SNRPN: variants seen among roughly 807,000 people sequenced by gnomAD.
SNRPN encodes small nuclear ribonucleoprotein-associated protein N.
Under a neutral mutation model 25.2 loss-of-function variants are expected in SNRPN, and 7 were observed. That is an observed-to-expected ratio of 0.28 (90% CI 0.16 to 0.52). The LOEUF is 0.52. Among genes scored for constraint, SNRPN ranks in the 20% least tolerant of loss-of-function variants. The pLI, the probability that SNRPN is intolerant of heterozygous loss-of-function variation, is 0.96. For missense variants in SNRPN, 196 were observed against 322.5 expected, an observed-to-expected ratio of 0.61 and a Z score of 3.00; for synonymous variants, 124 against 110.6, an observed-to-expected ratio of 1.12 and a Z score of -0.76.
At chr15:24,960,615 A>G (rs1373907140) in intron 1 of SNRPN, among the ~76,000 whole-genome samples, 1 of 152,008 alleles carries the variant, frequency 6.6e-6, no homozygotes, top group Non-Finnish European at 1.5e-5. Context: ...TGGGATTTTG[A>G]TTTGCATTTT....
intron 1 of SNRPN, among the ~76,000 whole-genome samples, chr15:24,826,402 T>A (rs35816817): frequency 6.6e-6 from 1 of 152,078 alleles, no homozygotes; most frequent in Non-Finnish European, 1.5e-5. Context: ...CATGGCTGCC[T>A]CACATTCCTC....
In SNRPN at chr15:24,872,206, T is replaced by C. The variant is rs1198230079; in HGVS notation, c.-578-14310T>C. ...TTTGAGACATGAGTATCACTTTTGT[T>C]GCCCAGGTTGGAGTGCAGTGGCACA... On this transcript the variant is annotated intron_variant, in intron 1 of 11. Coordinates refer to the SNRPN transcript ENST00000400097. Among the ~76,000 whole-genome samples, 3 of 118,588 alleles carry C rather than the reference T, an allele frequency of 2.5e-5. 1 individual carries two copies. Among genetic ancestry groups the C allele is most frequent in the Non-Finnish European group, 5.5e-5 (3 of 54,346 alleles). 77.8% of individuals were successfully genotyped at this position (118,588 alleles called of 152,430 possible).
At chr15:24,901,036 C>A (rs2058412834) in intron 2 of SNRPN, among the ~76,000 whole-genome samples, 1 of 152,122 alleles carries the variant, frequency 6.6e-6, no homozygotes, top group Non-Finnish European at 1.5e-5. Context: ...GTTGAGGGTG[C>A]AGTGAGCTGT....
intron 1 of SNRPN, among the ~76,000 whole-genome samples, chr15:24,867,587 GA>G (rs1840221194): frequency 2.0e-5 from 3 of 152,196 alleles, no homozygotes; most frequent in African/African-American, 7.2e-5. Flanking sequence ...TGTTAGCCAG[GA>G]TGGTCCCGAT....
chr15:24,858,283 C>T (rs530127813), intron 1 of SNRPN, among the ~76,000 whole-genome samples: 5 of 152,106 alleles, frequency 3.3e-5, no homozygotes, highest in Non-Finnish European at 7.3e-5. Context: ...AACCGAATTC[C>T]TCCTGAAGTT....
intron 3 of SNRPN, among the ~76,000 whole-genome samples, chr15:24,931,358 AC>A (rs1275249737): frequency 4.6e-5 from 7 of 152,196 alleles, no homozygotes; most frequent in Non-Finnish European, 7.3e-5. Context: ...ATCACTAATA[AC>A]TATTGTAATC....
chr15:24,925,096 T>C (rs2060290972), intron 3 of SNRPN, among the ~76,000 whole-genome samples: 1 of 152,156 alleles, frequency 6.6e-6, no homozygotes, highest in Non-Finnish European at 1.5e-5. Context: ...TCTATTGACT[T>C]AAATAGAATT....
At chr15:24,880,936 C>T (rs974480404) in intron 1 of SNRPN, among the ~76,000 whole-genome samples, 8 of 150,100 alleles carry the variant, frequency 5.3e-5, no homozygotes, top group African/African-American at 1.5e-4. Flanking sequence ...CTTGGCCTCC[C>T]GCAGTGCTGT....
At chr15:24,862,475 G>C (rs1225065607) in intron 1 of SNRPN, among the ~76,000 whole-genome samples, 2 of 150,914 alleles carry the variant, frequency 1.3e-5, no homozygotes, top group African/African-American at 5.0e-5. Context: ...GATTGAAAGA[G>C]AGATGGAGTG....
upstream of SNRPN, among the ~76,000 whole-genome samples, chr15:24,856,033 TG>T (rs2053351207): frequency 6.6e-6 from 1 of 152,192 alleles, no homozygotes; most frequent in Non-Finnish European, 1.5e-5. Flanking sequence ...TATATATGCT[TG>T]TGTCTGATTT....
At chr15:24,960,368 C>G (rs2074570102) in intron 1 of SNRPN, among the ~76,000 whole-genome samples, 2 of 152,040 alleles carry the variant, frequency 1.3e-5, no homozygotes. Flanking sequence ...GAGGCAGGGT[C>G]TGGCTCTGTC....
intron 2 of SNRPN, among the ~76,000 whole-genome samples, chr15:24,899,146 C>G (rs8031746): frequency 0.71 from 107,535 of 152,090 alleles, 38,918 homozygotes; most frequent in East Asian, 0.99. Flanking sequence ...TGTCAGACAT[C>G]CAGGCCCTGC....
chr15:24,941,243 C>T (rs187993839), intron 3 of SNRPN, among the ~76,000 whole-genome samples: 2 of 152,214 alleles, frequency 1.3e-5, no homozygotes, highest in Admixed American at 6.5e-5. Flanking sequence ...TCCCAAAGTG[C>T]TGGGATTATA....
At chr15:24,904,172 T>C (rs191860882) in intron 2 of SNRPN, among the ~76,000 whole-genome samples, 76 of 152,336 alleles carry the variant, frequency 5.0e-4, no homozygotes, top group Non-Finnish European at 1.1e-3. Flanking sequence ...TTTGCTGCAG[T>C]GTGTGAGGGA....
chr15:24,848,697 G>A (rs1406034325), intron 2 of SNRPN: 1 of 151,936 alleles, frequency 6.6e-6, no homozygotes, highest in Non-Finnish European at 1.5e-5. Context: ...GTAAATATCG[G>A]ATACTACTTT....
intron 2 of SNRPN, chr15:24,911,091 G>A (rs2152119285): frequency 1.4e-6 from 2 of 1,457,918 alleles, no homozygotes; most frequent in South Asian, 1.3e-5. Flanking sequence ...CTCCTCTTCT[G>A]GAGAGGGATG....
chr15:24,830,762 C>A (rs1405760463), intron 2 of SNRPN, among the ~76,000 whole-genome samples: 1 of 152,032 alleles, frequency 6.6e-6, no homozygotes, highest in East Asian at 1.9e-4. Flanking sequence ...TGATTTCTAG[C>A]TTAATTCTGT....
At chr15:24,906,739 T>C (rs1024189866) in intron 2 of SNRPN, among the ~76,000 whole-genome samples, 26 of 152,182 alleles carry the variant, frequency 1.7e-4, no homozygotes, top group African/African-American at 5.5e-4. Flanking sequence ...CAAGGGGGTG[T>C]AAGTGCCTAT....
chr15:24,978,493 T>C lies in SNRPN; in HGVS notation c.*49T>C, dbSNP rs751103806. Reference sequence around the variant, plus strand: ...ACTTTTTCCCCTGCAATGCGTCTTGTGAAATTGTGTAGAGTGTTTGTGAGC... The same window carrying C: ...ACTTTTTCCCCTGCAATGCGTCTTGCGAAATTGTGTAGAGTGTTTGTGAGC... On this transcript the variant is annotated 3_prime_UTR_variant, in exon 10 of 10. Transcript: ENST00000390687. The C allele has an allele frequency of 2.0e-6, 3 of 1,534,662 alleles. No individual in the cohort carries two copies. The highest frequency in any genetic ancestry group is 2.7e-6 in the Non-Finnish European group (3 of 1,109,400).
Sources: allele counts gnomAD v4.1 joint callset (sites outside exome capture counted in the v4.1 genomes callset), GRCh38; gene constraint gnomAD v4.1.1; transcripts MANE v1.5; gene names NCBI Gene and HGNC (gene_info 2026-07-23, HGNC 2026-07-21).